COL23A1: variants seen among roughly 807,000 people sequenced by gnomAD.
The protein encoded by COL23A1 is collagen alpha-1(XXIII) chain.
In COL23A1, 97 loss-of-function variants were observed where a neutral mutation model predicts 99.3. That is an observed-to-expected ratio of 0.98 (90% CI 0.83 to 1.16). The LOEUF is 1.16. COL23A1 is among the 50% of genes most tolerant of loss of function. COL23A1 has a pLI of 0.00. For missense variants in COL23A1, 762 were observed against 757.4 expected, an observed-to-expected ratio of 1.01 and a Z score of -0.07; for synonymous variants, 320 against 308.2, an observed-to-expected ratio of 1.04 and a Z score of -0.40.
intron 2 of COL23A1, among the ~76,000 whole-genome samples, chr5:178,471,491 G>A (rs1404193313): frequency 2.6e-5 from 4 of 151,066 alleles, no homozygotes; most frequent in African/African-American, 4.9e-5. Context: ...TACCCGCCTC[G>A]GCCTCCCAAA....
chr5:178,494,535 C>T (rs964542580), intron 2 of COL23A1, among the ~76,000 whole-genome samples: 11 of 152,156 alleles, frequency 7.2e-5, no homozygotes, highest in Non-Finnish European at 1.0e-4. Flanking sequence ...AGTAGCCTGG[C>T]GTGGTGGCAC....
intron 2 of COL23A1, among the ~76,000 whole-genome samples, chr5:178,474,267 G>A (rs1756914592): frequency 6.6e-6 from 1 of 152,172 alleles, no homozygotes; most frequent in African/African-American, 2.4e-5. Flanking sequence ...GATTTTAAGG[G>A]TTATCCCGCC....
At position 178,555,347 on chromosome 5, in the gene COL23A1, T is replaced by A. The variant is rs141384060; in HGVS notation, c.361+5335A>T. 1.2e-3 allele frequency among the ~76,000 whole-genome samples: 178 copies of A among 152,272 alleles called. 1 individual carries two copies. The highest frequency in any genetic ancestry group is 4.1e-3 in the African/African-American group (170 of 41,564). The stretch of plus-strand genomic sequence containing the variant: ...ACCCATAACACTCCCCATGCCCCAA[T>A]TCTGAGACTTTCGGGAAAGAACAGT... On this transcript the variant is annotated intron_variant, in intron 2 of 28. Transcript: ENST00000390654.
chr5:178,494,087 A>C (rs1230336985), intron 2 of COL23A1, among the ~76,000 whole-genome samples: 1 of 152,256 alleles, frequency 6.6e-6, no homozygotes, highest in Admixed American at 6.5e-5. Flanking sequence ...CAACTGTTAG[A>C]AAAATCACAT....
chr5:178,516,746 G>A (rs1759539021), intron 2 of COL23A1, among the ~76,000 whole-genome samples: 1 of 152,134 alleles, frequency 6.6e-6, no homozygotes, highest in South Asian at 2.1e-4. Context: ...GGCCTGGCGG[G>A]TGCCCCTCCT....
At chr5:178,270,701 G>T (rs1423300036) in intron 5 of COL23A1, among the ~76,000 whole-genome samples, 1 of 152,178 alleles carries the variant, frequency 6.6e-6, no homozygotes, top group Non-Finnish European at 1.5e-5. Context: ...TCCAAGGCGA[G>T]CCATGAGCAT....
intron 1 of COL23A1, among the ~76,000 whole-genome samples, chr5:178,576,441 G>C (rs75139672): frequency 0.13 from 19,137 of 152,206 alleles, 1,727 homozygotes; most frequent in East Asian, 0.39. Flanking sequence ...CGCCATACTG[G>C]CGAGGCTGGT....
chr5:178,491,611 G>C (rs1362538213), intron 2 of COL23A1, among the ~76,000 whole-genome samples: 1 of 152,226 alleles, frequency 6.6e-6, no homozygotes, highest in Middle Eastern at 3.4e-3. Context: ...CCTGGGACAG[G>C]AGCACAAGCA....
intron 2 of COL23A1, among the ~76,000 whole-genome samples, chr5:178,514,170 T>C (rs1759375050): frequency 6.6e-6 from 1 of 152,252 alleles, no homozygotes; most frequent in Admixed American, 6.5e-5. Context: ...TATTTGTCCT[T>C]CTGCGTCTGG....
At chr5:178,389,105 AC>A (rs1561929197) in intron 2 of COL23A1, among the ~76,000 whole-genome samples, 1 of 151,852 alleles carries the variant, frequency 6.6e-6, no homozygotes, top group African/African-American at 2.4e-5. Flanking sequence ...CCTGGCTGTC[AC>A]GCTCCCGTTG....
chr5:178,250,981 A>C (rs1164645212), intron 17 of COL23A1, among the ~76,000 whole-genome samples: 1 of 18,450 alleles, frequency 5.4e-5, no homozygotes, highest in African/African-American at 9.3e-5. Context: ...TCCGTCTCAA[A>C]AAAAAAAAAA....
intron 2 of COL23A1, among the ~76,000 whole-genome samples, chr5:178,457,466 C>T (rs1034758073): frequency 9.2e-5 from 14 of 152,166 alleles, no homozygotes; most frequent in Non-Finnish European, 1.8e-4. Flanking sequence ...CCGCCCATCT[C>T]GGCCTCCCAA....
intron 2 of COL23A1, among the ~76,000 whole-genome samples, chr5:178,333,963 C>T (rs1760182724): frequency 6.6e-6 from 1 of 152,190 alleles, no homozygotes; most frequent in African/African-American, 2.4e-5. Flanking sequence ...GGTCAGTCCC[C>T]CTTCCAGATC....
intron 2 of COL23A1, among the ~76,000 whole-genome samples, chr5:178,521,970 A>G (rs577450): frequency 0.36 from 55,305 of 151,916 alleles, 11,516 homozygotes; most frequent in East Asian, 0.67. Context: ...TCATGCCACC[A>G]AATTGTACCC....
At chr5:178,372,874 C>T (rs529522422) in intron 2 of COL23A1, among the ~76,000 whole-genome samples, 2 of 152,178 alleles carry the variant, frequency 1.3e-5, no homozygotes, top group Admixed American at 1.3e-4. Flanking sequence ...CCGCGCCCAG[C>T]CCCCAGCTTC....
chr5:178,587,749 T>A (rs191386416), intron 1 of COL23A1, among the ~76,000 whole-genome samples: 1 of 152,230 alleles, frequency 6.6e-6, no homozygotes, highest in African/African-American at 2.4e-5. Context: ...ACTCACTCCC[T>A]GTATGTGCCT....
intron 2 of COL23A1, among the ~76,000 whole-genome samples, chr5:178,455,751 G>A (rs940059705): frequency 6.6e-6 from 1 of 151,972 alleles, no homozygotes. Flanking sequence ...GGCTCCACGA[G>A]GAGGTCAGAG....
At chr5:178,441,519 C>T (rs1337384514) in intron 2 of COL23A1, among the ~76,000 whole-genome samples, 3 of 151,970 alleles carry the variant, frequency 2.0e-5, no homozygotes, top group Admixed American at 6.6e-5. Context: ...TCGGTACAGG[C>T]GCACAGGGGC....
At chr5:178,477,055 G>A (rs78055993) in intron 2 of COL23A1, among the ~76,000 whole-genome samples, 54,663 of 152,060 alleles carry the variant, frequency 0.36, 11,785 homozygotes, top group Admixed American at 0.49. Context: ...AGAATATGTG[G>A]CTTCGGATAT....
Sources: gnomAD v4.1 joint callset for allele counts (sites outside exome capture counted in the v4.1 genomes callset) on GRCh38, gnomAD v4.1.1 for gene constraint, MANE v1.5 for transcripts, NCBI Gene and HGNC (gene_info 2026-07-23, HGNC 2026-07-21) for gene names.